The following CACNG7 variants were observed in gnomAD, a reference collection of about 807,000 sequenced individuals.
The protein encoded by CACNG7 is voltage-dependent calcium channel gamma-7 subunit.
In CACNG7, 9 loss-of-function variants were observed where a neutral mutation model predicts 26.3. The ratio of observed to expected loss-of-function variants is 0.34; its 90% CI spans 0.21 to 0.60. The LOEUF (loss-of-function observed/expected upper bound fraction) is 0.60, where lower values mean the gene tolerates loss of function less well. Among genes scored for constraint, CACNG7 ranks in the 20% least tolerant of loss-of-function variants. CACNG7 has a pLI of 0.81. For missense variants in CACNG7, 297 were observed against 380.4 expected, an observed-to-expected ratio of 0.78 and a Z score of 1.82; for synonymous variants, 170 against 157.0, an observed-to-expected ratio of 1.08 and a Z score of -0.62.
intron 4 of CACNG7, among the ~76,000 whole-genome samples, chr19:53,924,840 C>A (rs1195672157): frequency 3.1e-5 from 4 of 127,124 alleles, no homozygotes; most frequent in African/African-American, 1.2e-4. Flanking sequence ...GGTGGAGTTG[C>A]CCCAGGTCTG....
intron 4 of CACNG7, among the ~76,000 whole-genome samples, chr19:53,916,272 T>C (rs2068896663): frequency 6.6e-6 from 1 of 152,154 alleles, no homozygotes; most frequent in South Asian, 2.1e-4. Flanking sequence ...CTTTTGCATA[T>C]GTGATCTCAC....
At chr19:53,918,242 G>A (rs2068911064) in intron 4 of CACNG7, among the ~76,000 whole-genome samples, 1 of 152,204 alleles carries the variant, frequency 6.6e-6, no homozygotes, top group Non-Finnish European at 1.5e-5. Context: ...ATCAGTGGTT[G>A]GCAAGCTTTT....
chr19:53,942,170 G>T lies in CACNG7; in HGVS notation c.705G>T (p.Glu235Asp). The change falls in exon 6 of 6, where the codon GAG (glutamate) becomes GAT (aspartate). Residue 235 changes from glutamate (E) to aspartate (D), a missense_variant. Physicochemically the swap from Glu to Asp is conservative, Grantham distance 45 (BLOSUM62 2). Coordinates refer to ENST00000391767, the MANE Select transcript of CACNG7 (RefSeq NM_031896.5). The surrounding 1 kb of genome is among the most constrained non-coding windows in gnomAD (Gnocchi z 5.9). ...ACTCGGGCCAGTTCCTGCAGCCCGA[G>T]GCGTGGCGCCGCGGCCGGAGCCCCT... Reference protein sequence around the residue: ...SDYSGQFLQPEAWRRGRSPSD... With the variant: ...SDYSGQFLQPDAWRRGRSPSD... 1 of 1,614,064 alleles carries T rather than the reference G, an allele frequency of 6.2e-7. No individual in the cohort carries two copies. Among genetic ancestry groups the T allele is most frequent in the South Asian group, 1.1e-5 (1 of 91,084 alleles).
intron 1 of CACNG7, among the ~76,000 whole-genome samples, chr19:53,911,745 CT>C (rs2068863827): frequency 6.6e-6 from 1 of 152,202 alleles, no homozygotes; most frequent in Non-Finnish European, 1.5e-5. Context: ...GGTCAAACCC[CT>C]GAGCCGCCAG....
intron 2 of CACNG7, among the ~76,000 whole-genome samples, chr19:53,913,251 T>G (rs983874691): frequency 6.6e-6 from 1 of 151,946 alleles, no homozygotes; most frequent in Non-Finnish European, 1.5e-5. Flanking sequence ...TCTGGAGCCT[T>G]CCTTTAAAGT....
chr19:53,916,310 A>G (rs560869669), intron 4 of CACNG7, among the ~76,000 whole-genome samples: 4 of 151,440 alleles, frequency 2.6e-5, no homozygotes, highest in Admixed American at 2.0e-4. Context: ...GCTACCCAGG[A>G]GTTATTATTA....
Position 53,914,501 on chromosome 19 carries a change from T to C in CACNG7, c.198T>C (p.Gly66=). ...CCTGTCTGTTTCTCTTCCCCCCAGG[T>C]CGGGAGAAAGGTCGCTGTGTGGCCT... ...AGLWRVCFFA[G]REKGRCVASE... The change falls in exon 3 of 6, where the codon GGT becomes GGC. Residue 66 remains glycine (G), a splice_region_variant and synonymous_variant. Transcript: ENST00000391767. The C allele has an allele frequency of 6.2e-7, 1 of 1,613,726 alleles. No homozygotes were observed. Among genetic ancestry groups the C allele is most frequent in the Admixed American group, 1.7e-5 (1 of 59,990 alleles).
At chr19:53,920,942 C>T (rs577221764) in intron 4 of CACNG7, among the ~76,000 whole-genome samples, 1 of 110,870 alleles carries the variant, frequency 9.0e-6, no homozygotes, top group East Asian at 2.5e-4. Flanking sequence ...TGGACTTGCC[C>T]CAGGCTGGTC....
At chr19:53,921,279 G>T (rs527390220) in intron 4 of CACNG7, among the ~76,000 whole-genome samples, 6 of 137,400 alleles carry the variant, frequency 4.4e-5, no homozygotes, top group Non-Finnish European at 6.1e-5. Context: ...GTCATTGGTG[G>T]AGTTGCCTCA....
chr19:53,921,985 C>G lies in CACNG7; in HGVS notation c.424+6480C>G, dbSNP rs374109440. ...CAGGCCTGGTCATTGGTGGAGTTGC[C>G]CCAGGCCTGGTCATTGGTGGAGTTG... On this transcript the variant is annotated intron_variant, in intron 4 of 5. Coordinates refer to ENST00000391767, the MANE Select transcript of CACNG7 (RefSeq NM_031896.5). Among the ~76,000 whole-genome samples the G allele has an allele frequency of 1.1e-3, 99 of 88,518 alleles. 10 individuals are homozygous for G. In the East Asian group the frequency reaches 0.021, roughly 18 times the overall value. The allele number at this position is 88,518 out of a possible 152,430, so 58.1% of individuals were successfully genotyped here.
intron 4 of CACNG7, among the ~76,000 whole-genome samples, chr19:53,936,326 C>T (rs994419896): frequency 2.6e-5 from 4 of 152,148 alleles, no homozygotes; most frequent in East Asian, 1.9e-4. Context: ...TTGGTTAAGG[C>T]AGTATCTGCC....
chr19:53,924,530 C>T (rs1295970767), intron 4 of CACNG7, among the ~76,000 whole-genome samples: 1 of 144,760 alleles, frequency 6.9e-6, no homozygotes, highest in Non-Finnish European at 1.5e-5. Flanking sequence ...GGAGTTGCCC[C>T]AGGTCTGGTA....
intron 4 of CACNG7, among the ~76,000 whole-genome samples, chr19:53,936,485 TTCTAAC>T (rs1196078353): frequency 6.6e-6 from 1 of 152,256 alleles, no homozygotes; most frequent in Non-Finnish European, 1.5e-5. Flanking sequence ...TGGTGTTTTC[TTCTAAC>T]TCTATTATTC....
chr19:53,919,632 C>G (rs1433147461), intron 4 of CACNG7, among the ~76,000 whole-genome samples: 37 of 101,072 alleles, frequency 3.7e-4, no homozygotes, highest in East Asian at 6.3e-4. Flanking sequence ...CATTGGTGGA[C>G]TTGCCCCAGG....
chr19:53,913,424 C>A (rs1413112042), intron 2 of CACNG7, among the ~76,000 whole-genome samples: 2 of 151,996 alleles, frequency 1.3e-5, no homozygotes, highest in Non-Finnish European at 1.5e-5. Flanking sequence ...GAGTTTGAGA[C>A]CAGCCTGGCC....
intron 4 of CACNG7, among the ~76,000 whole-genome samples, chr19:53,921,331 T>C (rs1341384621): frequency 8.8e-5 from 12 of 135,628 alleles, no homozygotes; most frequent in Non-Finnish European, 1.5e-4. Context: ...TGGTCATTGG[T>C]GGACTTGCCC....
intron 1 of CACNG7, among the ~76,000 whole-genome samples, chr19:53,910,825 C>T (rs747909893): frequency 9.9e-5 from 15 of 152,016 alleles, no homozygotes; most frequent in Non-Finnish European, 1.5e-4. Flanking sequence ...GTTATGAAAT[C>T]GGGACTCCAT....
At chr19:53,929,475 G>C (rs909375974) in intron 4 of CACNG7, among the ~76,000 whole-genome samples, 10 of 151,888 alleles carry the variant, frequency 6.6e-5, no homozygotes, top group Non-Finnish European at 1.0e-4. Flanking sequence ...TTAATTTTTT[G>C]AGATGGAGTC....
At position 53,909,861 on chromosome 19, in the gene CACNG7, G is replaced by A. The variant is rs1240399493; in HGVS notation, c.-30+344G>A. On this transcript the variant is annotated intron_variant, in intron 1 of 5. Coordinates refer to ENST00000391767, the MANE Select transcript of CACNG7 (RefSeq NM_031896.5). This position sits in a 1 kb window ranked among gnomAD's most constrained non-coding sequence, Gnocchi z 5.1. ...CAGAGCAGGATGTGGGTCTGGAAAGGGGTCCCAGAAAGGGGGAGTTACGGT... is the reference window on the plus strand; with the variant it reads ...CAGAGCAGGATGTGGGTCTGGAAAGAGGTCCCAGAAAGGGGGAGTTACGGT... 6.6e-6 allele frequency among the ~76,000 whole-genome samples: 1 copy of A among 152,154 alleles called. No individual in the cohort carries two copies. Among genetic ancestry groups the A allele is most frequent in the African/African-American group, 2.4e-5 (1 of 41,448 alleles).
Sources: allele counts gnomAD v4.1 joint callset (sites outside exome capture counted in the v4.1 genomes callset), GRCh38; gene constraint gnomAD v4.1.1; non-coding constraint Gnocchi (gnomAD v3.1); transcripts MANE v1.5; gene names NCBI Gene and HGNC (gene_info 2026-07-23, HGNC 2026-07-21).